Variants in DLG2 observed in about 807,000 individuals in gnomAD.
DLG2 encodes the protein discs large MAGUK scaffold protein 2.
DLG2 carries 45 observed loss-of-function variants against 132.5 expected under a neutral mutation model. The observed-to-expected ratio is 0.34, with a 90% CI of 0.27 to 0.44. The LOEUF is 0.44. DLG2 is among the 20% of genes least tolerant of loss of function. The pLI is 1.00. For synonymous variants in DLG2, 424 were observed against 419.6 expected (o/e 1.01, Z -0.13); for missense variants, 1,045 against 1,196.9 (o/e 0.87, Z 1.87).
chr11:84,698,318 T>C (rs189897427), intron 6 of DLG2, among the ~76,000 whole-genome samples: 13 of 151,640 alleles, frequency 8.6e-5, no homozygotes, highest in Admixed American at 4.6e-4. Context: ...CCTGTGAACA[T>C]TGAGCTAGGT....
At chr11:85,461,688 C>A (rs528278034) in intron 3 of DLG2, among the ~76,000 whole-genome samples, 27 of 152,106 alleles carry the variant, frequency 1.8e-4, no homozygotes, top group Non-Finnish European at 1.8e-4. Context: ...AAGCCACATG[C>A]AGCAGCAAAA....
At chr11:84,243,038 T>TATATATAC (rs1439229722) in intron 8 of DLG2, among the ~76,000 whole-genome samples, 1 of 151,114 alleles carries the variant, frequency 6.6e-6, no homozygotes, top group Middle Eastern at 3.2e-3. Flanking sequence ...TATATATATA[T>TATATATAC]ACACTCTCAC....
intron 16 of DLG2, among the ~76,000 whole-genome samples, chr11:83,867,360 A>G (rs938461489): frequency 1.3e-5 from 2 of 152,204 alleles, no homozygotes; most frequent in African/African-American, 4.8e-5. Context: ...ATCAGTTACT[A>G]TTAAATTAAA....
chr11:83,682,174 G>T, intron 18 of DLG2: 1 of 985,314 alleles, frequency 1.0e-6, no homozygotes, highest in African/African-American at 1.7e-5. Flanking sequence ...CAAAATTATT[G>T]GAACAAAGCA....
chr11:84,409,547 C>T (rs999380387), intron 7 of DLG2, among the ~76,000 whole-genome samples: 1 of 152,112 alleles, frequency 6.6e-6, no homozygotes, highest in African/African-American at 2.4e-5. Flanking sequence ...ACATGTACCA[C>T]ACTTAATACT....
chr11:83,791,623 C>G (rs1048004740), intron 17 of DLG2: 1 of 369,068 alleles, frequency 2.7e-6, no homozygotes, highest in Non-Finnish European at 5.1e-6. Flanking sequence ...CTAGGGGATT[C>G]ACTTCTGGCA....
chr11:85,559,818 T>TGATAGATTA lies in DLG2; in HGVS notation c.40+38838_40+38839insTAATCTATC, dbSNP rs150774935. Among the ~76,000 whole-genome samples the TGATAGATTA allele has an allele frequency of 1.1e-3, 158 of 144,444 alleles. 2 individuals carry two copies. The highest frequency in any genetic ancestry group is 8.8e-4 in the Non-Finnish European group (57 of 64,770). The allele number at this position is 144,444 out of a possible 152,430, so 94.8% of individuals were successfully genotyped here. ...GATAGATGGTGATTAGTTAGATGATTGATAGATAGATAGATAGATAGATAG... is the reference window on the plus strand; with the variant it reads ...GATAGATGGTGATTAGTTAGATGATTGATAGATTAGATAGATAGATAGATAGATAGATAG... On this transcript the variant is annotated intron_variant, in intron 3 of 27. Transcript: ENST00000376104.
intron 6 of DLG2, among the ~76,000 whole-genome samples, chr11:84,981,839 C>T (rs1461282290): frequency 6.6e-6 from 1 of 152,070 alleles, no homozygotes; most frequent in Non-Finnish European, 1.5e-5. Context: ...ATCTTTCACT[C>T]CATTCAGGCA....
intron 16 of DLG2, among the ~76,000 whole-genome samples, chr11:83,844,012 G>C (rs1245501331): frequency 6.6e-6 from 1 of 152,152 alleles, no homozygotes; most frequent in Admixed American, 6.5e-5. Flanking sequence ...AAGAAAGCAA[G>C]TACTGAGAAT....
At chr11:83,597,635 AAT>A (rs2057828886) in intron 19 of DLG2, among the ~76,000 whole-genome samples, 1 of 151,554 alleles carries the variant, frequency 6.6e-6, no homozygotes, top group African/African-American at 2.4e-5. Context: ...AAAAAAAAAA[AAT>A]TAGCCAGACA....
chr11:83,974,846 G>A lies in DLG2; in HGVS notation c.1056+5660C>T, dbSNP rs554233776. ...TCTCATCTGAGTCCAGTGTCTTTCC[G>A]CTCGACTTCAATGTCTCTGTTACTT... On this transcript the variant is annotated intron_variant, in intron 12 of 27. Transcript: ENST00000376104. Among the ~76,000 whole-genome samples, 15 of 152,078 alleles carry A rather than the reference G, an allele frequency of 9.9e-5. 1 individual carries two copies. Among genetic ancestry groups the A allele is most frequent in the Admixed American group, 4.6e-4 (7 of 15,230 alleles).
intron 2 of DLG2, among the ~76,000 whole-genome samples, chr11:85,622,194 C>T (rs910417949): frequency 2.6e-5 from 4 of 152,132 alleles, no homozygotes; most frequent in African/African-American, 4.8e-5. Flanking sequence ...AGACATAATA[C>T]GATCGCAAAC....
At chr11:83,480,752 T>C in intron 22 of DLG2, 1 of 819,004 alleles carries the variant, frequency 1.2e-6, no homozygotes, top group South Asian at 1.6e-5. Context: ...CAATGACTAG[T>C]ATGTCTTGAC....
chr11:83,460,000 G>A, intron 27 of DLG2, 76 bp from the exon 28 acceptor site: 1 of 777,382 alleles, frequency 1.3e-6, no homozygotes, highest in East Asian at 2.6e-5. Flanking sequence ...CTTACACATT[G>A]GAGGCTCAAA....
intron 19 of DLG2, among the ~76,000 whole-genome samples, chr11:83,585,810 GA>G (rs2097075029): frequency 6.6e-6 from 1 of 152,122 alleles, no homozygotes; most frequent in Non-Finnish European, 1.5e-5. Context: ...GGAGGAAACA[GA>G]AAAGTCAACA....
chr11:84,636,082 G>A (rs770364785), intron 6 of DLG2, among the ~76,000 whole-genome samples: 1 of 152,218 alleles, frequency 6.6e-6, no homozygotes, highest in Non-Finnish European at 1.5e-5. Context: ...TAGGGTGCAT[G>A]TATAAATTTC....
intron 3 of DLG2, among the ~76,000 whole-genome samples, chr11:85,497,597 G>T (rs1035868851): frequency 6.6e-6 from 1 of 152,078 alleles, no homozygotes; most frequent in Admixed American, 6.6e-5. Context: ...GATATTCCTT[G>T]AAAAGAGCAA....
intron 18 of DLG2, among the ~76,000 whole-genome samples, chr11:83,688,036 T>C (rs1234553243): frequency 6.7e-6 from 1 of 149,604 alleles, no homozygotes; most frequent in Non-Finnish European, 1.5e-5. Flanking sequence ...AAAAGGAAGC[T>C]CTTCACAAAC....
In DLG2 at chr11:84,307,976, T is replaced by C. The variant is rs187426491; in HGVS notation, c.520-56685A>G. On this transcript the variant is annotated intron_variant, in intron 7 of 27. Coordinates refer to ENST00000376104, the MANE Select transcript of DLG2 (RefSeq NM_001142699.3). ...TGAAGTTGCAGACTTCTGCGGTGAG[T>C]GTTACAGCTCACAAAGGCAGTGTGG... 1.2e-3 allele frequency among the ~76,000 whole-genome samples: 175 copies of C among 152,102 alleles called. 5 individuals carry two copies. The East Asian group carries it at 0.019, about 16-fold the overall frequency.
Sources: gnomAD v4.1 joint callset for allele counts (sites outside exome capture counted in the v4.1 genomes callset) on GRCh38, gnomAD v4.1.1 for gene constraint, MANE v1.5 for transcripts, NCBI Gene and HGNC (gene_info 2026-07-23, HGNC 2026-07-21) for gene names.